NOX5: variants seen among roughly 807,000 people sequenced by gnomAD.
NOX5 encodes NADPH oxidase 5.
A neutral mutation model predicts 85.7 loss-of-function variants in NOX5; 76 were observed. The observed-to-expected ratio is 0.89, with a 90% CI of 0.74 to 1.07. NOX5 has a LOEUF of 1.07. NOX5 is among the 50% of genes least tolerant of loss of function. The probability of loss-of-function intolerance (pLI) is 0.00; values close to 1 mark genes in which losing one functional copy is unlikely to be tolerated. For missense variants in NOX5, 973 were observed against 999.5 expected (o/e 0.97, Z 0.36); for synonymous variants, 405 against 401.4 (o/e 1.01, Z -0.11).
chr15:69,028,539 C>A, intron 3 of NOX5, 174 bp downstream of exon 3: 1 of 499,716 alleles, frequency 2.0e-6, no homozygotes, highest in Non-Finnish European at 3.4e-6. Context: ...CTCTCCCAGT[C>A]CCCAGTCTCT....
At chr15:69,041,233 A>G (rs2050590739) in intron 9 of NOX5, among the ~76,000 whole-genome samples, 1 of 152,166 alleles carries the variant, frequency 6.6e-6, no homozygotes, top group Non-Finnish European at 1.5e-5. Flanking sequence ...ACTTCAAGCG[A>G]CTTGGGATGC....
At chr15:69,024,273 C>T (rs1305667058) in intron 1 of NOX5, 2 of 152,128 alleles carry the variant, frequency 1.3e-5, no homozygotes, top group South Asian at 2.1e-4. Flanking sequence ...TGATGAGTGT[C>T]GAGAGACAGT....
chr15:69,042,930 G>T, intron 10 of NOX5, 125 bp downstream of exon 10: 1 of 1,040,388 alleles, frequency 9.6e-7, no homozygotes, highest in Non-Finnish European at 1.4e-6. Context: ...GCAGCACAAG[G>T]GGGTTAGGCA....
intron 14 of NOX5, among the ~76,000 whole-genome samples, chr15:69,054,334 G>A (rs2050784206): frequency 1.3e-5 from 2 of 152,206 alleles, no homozygotes. Flanking sequence ...AGAACTGCGG[G>A]TGCTCTGGCC....
At chr15:69,034,427 G>A (rs2050485964) in intron 5 of NOX5, among the ~76,000 whole-genome samples, 1 of 152,194 alleles carries the variant, frequency 6.6e-6, no homozygotes, top group Non-Finnish European at 1.5e-5. Context: ...AGTGGGAGAC[G>A]TGTGATTCAT....
chr15:69,017,309 A>AC (rs2050243143), intron 1 of NOX5, among the ~76,000 whole-genome samples: 1 of 151,920 alleles, frequency 6.6e-6, no homozygotes, highest in Admixed American at 6.6e-5. Flanking sequence ...ATGCCACCAC[A>AC]CCAGGCTAAT....
intron 4 of NOX5, among the ~76,000 whole-genome samples, chr15:69,032,260 T>C (rs949719816): frequency 3.6e-4 from 55 of 152,270 alleles, no homozygotes; most frequent in African/African-American, 1.3e-3. Flanking sequence ...AAGAGACATG[T>C]CATTTACACC....
chr15:69,047,485 G>T lies in NOX5; in HGVS notation c.1765G>T (p.Ala589Ser), dbSNP rs750961160. Residue 589 changes from alanine to serine, a missense_variant, in exon 12 of 16, where the codon GCA becomes TCA. Coordinates refer to ENST00000388866, the MANE Select transcript of NOX5 (RefSeq NM_024505.4). ...CTCTGAGCATGCCGTGCTCATCGGGGCAGGCATCGGCATCACCCCCTTTGC... is the reference window on the plus strand; with the variant it reads ...CTCTGAGCATGCCGTGCTCATCGGGTCAGGCATCGGCATCACCCCCTTTGC... ...FASEHAVLIG[A>S]GIGITPFASI... The T allele has an allele frequency of 6.2e-7, 1 of 1,613,872 alleles. No homozygotes were observed. The highest frequency in any genetic ancestry group is 8.5e-7 in the Non-Finnish European group (1 of 1,179,994).
rs746148190 is a variant in NOX5, at chr15:69,057,886, G to T, written c.*1190G>T. ...TCTCTGTTTTCCAGCCTCTGTTTGC[G>T]TCTGTCCCTGTCTGGGCAGGAGGGA... On this transcript the variant is annotated 3_prime_UTR_variant, in exon 16 of 16. Coordinates refer to ENST00000388866, the MANE Select transcript of NOX5 (RefSeq NM_024505.4). The T allele has an allele frequency of 1.3e-5, 2 of 152,226 alleles. No individual in the cohort carries two copies. The highest frequency in any genetic ancestry group is 2.4e-5 in the African/African-American group (1 of 41,416). 9.4% of individuals were successfully genotyped at this position (152,226 alleles called of 1,614,324 possible). A position where few individuals can be genotyped will look rare whatever the true frequency, so the allele number is the denominator to read the frequency against.
intron 3 of NOX5, chr15:69,029,194 T>C (rs2050398345): frequency 6.6e-6 from 1 of 152,156 alleles, no homozygotes; most frequent in Non-Finnish European, 1.5e-5. Flanking sequence ...ATTCATACAT[T>C]CTGTCTCTAA....
chr15:69,045,355 A>G (rs2050648431), intron 10 of NOX5, among the ~76,000 whole-genome samples: 1 of 152,244 alleles, frequency 6.6e-6, no homozygotes. Context: ...CGCATGCTGC[A>G]CAGGATAGCT....
At chr15:69,033,000 C>A in intron 4 of NOX5, 43 bp from the exon 5 acceptor site, 3 of 1,523,528 alleles carry the variant, frequency 2.0e-6, no homozygotes, top group Non-Finnish European at 2.6e-6. Context: ...AGGTGGTCCC[C>A]GCCCCACCGC....
intron 14 of NOX5, 129 bp from the exon 15 acceptor site, chr15:69,055,205 C>A: frequency 2.0e-6 from 2 of 991,968 alleles, no homozygotes; most frequent in Admixed American, 2.4e-5. Context: ...ACTGGTTACA[C>A]AACAGATCCT....
chr15:69,029,098 C>A (rs1235348808), intron 3 of NOX5: 2 of 152,164 alleles, frequency 1.3e-5, no homozygotes, highest in Non-Finnish European at 2.9e-5. Flanking sequence ...ATCTCCAGAA[C>A]CTTTTCATCC....
chr15:69,016,821 T>C (rs1208402351), intron 1 of NOX5, among the ~76,000 whole-genome samples: 1 of 151,744 alleles, frequency 6.6e-6, no homozygotes, highest in Non-Finnish European at 1.5e-5. Flanking sequence ...CATACATACA[T>C]ACACACACTA....
In NOX5 at chr15:69,042,665, A is replaced by G. The variant is rs777690380; in HGVS notation, c.1507A>G (p.Thr503Ala). The change falls in exon 10 of 16, where the codon ACT becomes GCT. Residue 503 changes from threonine (T) to alanine (A), a missense_variant and splice_region_variant. Coordinates refer to ENST00000388866, the MANE Select transcript of NOX5 (RefSeq NM_024505.4). ...CCTCCCACTCTTCTCTTTCTCAGAC[A>G]CTATCTGGCTGCACATTCGGTCCCA... ...TISSAPEQKD[T>A]IWLHIRSQGQ... 2 of 1,612,806 alleles carry G rather than the reference A, an allele frequency of 1.2e-6. No individual in the cohort carries two copies. Among genetic ancestry groups the G allele is most frequent in the Non-Finnish European group, 1.7e-6 (2 of 1,179,738 alleles).
chr15:69,045,567 TCTTCC>T (rs1418559761), intron 10 of NOX5, among the ~76,000 whole-genome samples: 39 of 73,042 alleles, frequency 5.3e-4, no homozygotes, highest in Admixed American at 1.7e-3. Context: ...TTTCTTTCTT[TCTTCC>T]CTTTCTTTCT....
At chr15:69,045,635 TTC>T (rs762098189) in intron 10 of NOX5, among the ~76,000 whole-genome samples, 1 of 148,038 alleles carries the variant, frequency 6.8e-6, no homozygotes, top group Non-Finnish European at 1.5e-5. Context: ...CCTTCCTTCC[TTC>T]TCTCTCTCCC....
At chr15:69,041,954 A>G (rs1411730616) in intron 9 of NOX5, among the ~76,000 whole-genome samples, 4 of 151,856 alleles carry the variant, frequency 2.6e-5, no homozygotes, top group South Asian at 2.1e-4. Context: ...TGTACTCCCA[A>G]TGTGACCCAG....
Sources: allele counts gnomAD v4.1 joint callset (sites outside exome capture counted in the v4.1 genomes callset), GRCh38; gene constraint gnomAD v4.1.1; transcripts MANE v1.5; gene names NCBI Gene and HGNC (gene_info 2026-07-23, HGNC 2026-07-21).